The following RAD51B variants were observed in gnomAD, a reference collection of about 807,000 sequenced individuals.
RAD51B encodes the protein RAD51 paralog B.
RAD51B carries 38 observed loss-of-function variants against 42.2 expected under a neutral mutation model. The observed-to-expected ratio is 0.90, with a 90% CI of 0.70 to 1.18. The LOEUF (loss-of-function observed/expected upper bound fraction) is 1.18. Among genes scored for constraint, RAD51B ranks in the 50% most tolerant of loss-of-function variants. RAD51B has a pLI of 0.00. For synonymous variants in RAD51B, 154 were observed against 145.2 expected (o/e 1.06, Z -0.43); for missense variants, 373 against 400.7 (o/e 0.93, Z 0.59).
At chr14:68,611,671 AG>A (rs1186677525), downstream of RAD51B, 2 of 255,680 alleles carry the variant, frequency 7.8e-6, no homozygotes, top group African/African-American at 4.4e-5. Flanking sequence ...GCAGTCGCAC[AG>A]GCAGTCTCAA....
At chr14:68,189,913 G>A (rs2079229508) in intron 7 of RAD51B, among the ~76,000 whole-genome samples, 1 of 152,114 alleles carries the variant, frequency 6.6e-6, no homozygotes, top group Non-Finnish European at 1.5e-5. Flanking sequence ...TGATCCACCT[G>A]CCTTAGCCTC....
intron 7 of RAD51B, among the ~76,000 whole-genome samples, chr14:67,894,636 T>C (rs1310511639): frequency 6.6e-6 from 1 of 152,228 alleles, no homozygotes; most frequent in African/African-American, 2.4e-5. Flanking sequence ...AATATGTAAG[T>C]AGCTTGTAAG....
At chr14:68,558,254 G>A (rs888587986) in intron 10 of RAD51B, among the ~76,000 whole-genome samples, 9 of 152,176 alleles carry the variant, frequency 5.9e-5, no homozygotes, top group African/African-American at 2.2e-4. Context: ...CCCCACCCAT[G>A]CCCCTGAGAG....
At chr14:68,121,377 A>G (rs1488348114) in intron 7 of RAD51B, among the ~76,000 whole-genome samples, 1 of 152,160 alleles carries the variant, frequency 6.6e-6, no homozygotes, top group African/African-American at 2.4e-5. Flanking sequence ...CCTGCTTGCC[A>G]TGCTTCTAAG....
chr14:68,609,784 C>T (rs904265623), intron 10 of RAD51B, among the ~76,000 whole-genome samples: 5 of 152,188 alleles, frequency 3.3e-5, no homozygotes, highest in African/African-American at 9.7e-5. Context: ...CCCTGGCCAT[C>T]GGCTGCTACT....
intron 8 of RAD51B, among the ~76,000 whole-genome samples, chr14:68,307,869 T>C (rs1303964085): frequency 6.6e-6 from 1 of 152,222 alleles, no homozygotes; most frequent in Non-Finnish European, 1.5e-5. Flanking sequence ...AGCTCTCCCT[T>C]TCTCTTCAAA....
At chr14:68,125,223 G>A (rs887224530) in intron 7 of RAD51B, 1 of 152,124 alleles carries the variant, frequency 6.6e-6, no homozygotes. Context: ...CAAGCAAGTG[G>A]AAATGCAGAA....
intron 10 of RAD51B, among the ~76,000 whole-genome samples, chr14:68,630,483 C>G (rs1302778437): frequency 6.6e-6 from 1 of 152,172 alleles, no homozygotes; most frequent in Non-Finnish European, 1.5e-5. Context: ...TATAAAATAG[C>G]ATGGCCGTCC....
chr14:67,830,612 C>A (rs2041003234), intron 3 of RAD51B, among the ~76,000 whole-genome samples: 1 of 152,054 alleles, frequency 6.6e-6, no homozygotes, highest in Non-Finnish European at 1.5e-5. Context: ...ATTGTCCAGG[C>A]TGGTCTCAAA....
intron 7 of RAD51B, among the ~76,000 whole-genome samples, chr14:67,935,167 T>G (rs1202413525): frequency 1.3e-5 from 2 of 152,232 alleles, no homozygotes; most frequent in Non-Finnish European, 2.9e-5. Flanking sequence ...AAGATAAATT[T>G]GTATAGGAAT....
chr14:67,836,487 C>CTTT (rs61525158), intron 4 of RAD51B, among the ~76,000 whole-genome samples: 4 of 141,552 alleles, frequency 2.8e-5, no homozygotes, highest in East Asian at 2.0e-4. Context: ...AAATTAGCCT[C>CTTT]TTTTTTTTTT....
chr14:68,190,147 T>C (rs544975330), intron 7 of RAD51B, among the ~76,000 whole-genome samples: 1 of 152,274 alleles, frequency 6.6e-6, no homozygotes, highest in African/African-American at 2.4e-5. Flanking sequence ...AAAAGCTAGA[T>C]GTAGAAAACT....
At chr14:67,905,707 C>G (rs1325373827) in intron 7 of RAD51B, among the ~76,000 whole-genome samples, 1 of 152,028 alleles carries the variant, frequency 6.6e-6, no homozygotes, top group African/African-American at 2.4e-5. Flanking sequence ...TGATTTGACT[C>G]TCAGCTTGGC....
At chr14:68,246,947 A>G (rs1224549003) in intron 7 of RAD51B, among the ~76,000 whole-genome samples, 1 of 152,198 alleles carries the variant, frequency 6.6e-6, no homozygotes, top group Non-Finnish European at 1.5e-5. Context: ...CACCCATGCT[A>G]CAGTGGCCAT....
chr14:67,988,630 A>G (rs1373097915), intron 7 of RAD51B, among the ~76,000 whole-genome samples: 3 of 152,156 alleles, frequency 2.0e-5, no homozygotes, highest in African/African-American at 7.2e-5. Context: ...AATTTTTTAA[A>G]AATAGGATTG....
chr14:67,891,648 T>G (rs898101292), intron 7 of RAD51B, among the ~76,000 whole-genome samples: 9 of 151,866 alleles, frequency 5.9e-5, no homozygotes, highest in African/African-American at 1.9e-4. Flanking sequence ...GGCCTGGATT[T>G]ATTTATTTAT....
At chr14:68,256,668 C>G (rs944860970) in intron 7 of RAD51B, among the ~76,000 whole-genome samples, 3 of 152,148 alleles carry the variant, frequency 2.0e-5, no homozygotes, top group African/African-American at 7.2e-5. Context: ...TTCTCTGAGG[C>G]CTATCCTAGT....
intron 8 of RAD51B, among the ~76,000 whole-genome samples, chr14:68,308,699 G>A (rs1219656485): frequency 3.0e-5 from 2 of 67,064 alleles, no homozygotes; most frequent in African/African-American, 1.3e-4. Context: ...TTATATCTGT[G>A]TCATTAAAAA....
intron 7 of RAD51B, among the ~76,000 whole-genome samples, chr14:68,270,444 TA>T (rs2081083493): frequency 6.6e-6 from 1 of 152,340 alleles, no homozygotes; most frequent in Middle Eastern, 3.4e-3. Flanking sequence ...CCCACAGTCT[TA>T]GGCTGAACTC....
Sources: gnomAD v4.1 joint callset for allele counts (sites outside exome capture counted in the v4.1 genomes callset) on GRCh38, gnomAD v4.1.1 for gene constraint, MANE v1.5 for transcripts, NCBI Gene and HGNC (gene_info 2026-07-23, HGNC 2026-07-21) for gene names.